The following ADGRB3 variants were observed in gnomAD, a reference collection of about 807,000 sequenced individuals.
The protein encoded by ADGRB3 is adhesion G protein-coupled receptor B3.
In ADGRB3, 37 loss-of-function variants were observed where a neutral mutation model predicts 193.4. The observed-to-expected ratio is 0.19, with a 90% CI of 0.15 to 0.25. The LOEUF (loss-of-function observed/expected upper bound fraction) is 0.25, where lower values mean the gene tolerates loss of function less well. Ranked by LOEUF, ADGRB3 falls within the 10% of genes least tolerant of loss-of-function variation. The pLI is 1.00. For missense variants in ADGRB3, 1,637 were observed against 1,852.9 expected, an observed-to-expected ratio of 0.88 and a Z score of 2.14; for synonymous variants, 690 against 644.2, an observed-to-expected ratio of 1.07 and a Z score of -1.08.
intron 3 of ADGRB3, among the ~76,000 whole-genome samples, chr6:68,902,896 T>C (rs992186374): frequency 1.7e-4 from 26 of 152,172 alleles, no homozygotes; most frequent in African/African-American, 6.0e-4. Flanking sequence ...TAATATCACG[T>C]TTTATTTCAT....
chr6:68,700,775 AAC>A (rs1765229814), intron 3 of ADGRB3, among the ~76,000 whole-genome samples: 1 of 145,040 alleles, frequency 6.9e-6, no homozygotes, highest in South Asian at 2.2e-4. Context: ...GAACAATGAG[AAC>A]ACTTGGACAC....
intron 17 of ADGRB3, among the ~76,000 whole-genome samples, chr6:69,132,053 C>T (rs1335523101): frequency 6.6e-6 from 1 of 151,988 alleles, no homozygotes; most frequent in East Asian, 1.9e-4. Flanking sequence ...TGGTTCCAAG[C>T]CTTTGCTATT....
At chr6:69,133,977 T>C (rs1333321467) in intron 17 of ADGRB3, among the ~76,000 whole-genome samples, 2 of 152,130 alleles carry the variant, frequency 1.3e-5, no homozygotes, top group Admixed American at 1.3e-4. Context: ...TAGAATTATG[T>C]TCTCCATCTC....
intron 19 of ADGRB3, among the ~76,000 whole-genome samples, chr6:69,235,790 TAA>T (rs1264716005): frequency 6.6e-6 from 1 of 152,034 alleles, no homozygotes; most frequent in Admixed American, 6.6e-5. Flanking sequence ...TAGTATTTTT[TAA>T]GACTTGTTTT....
intron 26 of ADGRB3, among the ~76,000 whole-genome samples, chr6:69,352,969 G>T (rs965139960): frequency 1.4e-4 from 22 of 152,130 alleles, no homozygotes; most frequent in Non-Finnish European, 2.8e-4. Flanking sequence ...ATAAAACAGA[G>T]TGTAATAAAC....
In ADGRB3 at chr6:68,869,784, G is replaced by A. The variant is rs545200099; in HGVS notation, c.758-60775G>A. On this transcript the variant is annotated intron_variant, in intron 3 of 31. Coordinates refer to ENST00000370598, the MANE Select transcript of ADGRB3 (RefSeq NM_001704.3). Reference sequence around the variant, plus strand: ...TATTTGCAGGGGAGGGGGGCGGGTGGCGGGGAGACAGAGTCTCACTCGCTC... The same window carrying A: ...TATTTGCAGGGGAGGGGGGCGGGTGACGGGGAGACAGAGTCTCACTCGCTC... Among the ~76,000 whole-genome samples, 3 of 150,174 alleles carry A rather than the reference G, an allele frequency of 2.0e-5. No individual in the cohort carries two copies. In the South Asian group the frequency reaches 6.4e-4, roughly 32 times the overall value.
At chr6:68,666,479 G>A (rs1276998718) in intron 3 of ADGRB3, among the ~76,000 whole-genome samples, 1 of 151,734 alleles carries the variant, frequency 6.6e-6, no homozygotes, top group Non-Finnish European at 1.5e-5. Context: ...ATGGATACCT[G>A]TAATTGTCCT....
chr6:69,018,550 C>A, intron 13 of ADGRB3, 51 bp downstream of exon 13: 2 of 1,182,198 alleles, frequency 1.7e-6, no homozygotes, highest in South Asian at 1.3e-5. Flanking sequence ...AAAAAAATTG[C>A]AAGTATCTAC....
chr6:68,791,724 C>A (rs1003398719), intron 3 of ADGRB3, among the ~76,000 whole-genome samples: 7 of 152,100 alleles, frequency 4.6e-5, no homozygotes, highest in African/African-American at 1.7e-4. Context: ...AAAATATAAT[C>A]CACAAGAGAT....
chr6:69,064,519 G>A (rs2150308617), intron 16 of ADGRB3, among the ~76,000 whole-genome samples: 1 of 152,010 alleles, frequency 6.6e-6, no homozygotes, highest in South Asian at 2.1e-4. Context: ...ACTGAGAACT[G>A]GGAGACATTT....
intron 10 of ADGRB3, among the ~76,000 whole-genome samples, chr6:68,975,794 A>C (rs761641439): frequency 1.3e-5 from 2 of 152,224 alleles, no homozygotes; most frequent in Non-Finnish European, 2.9e-5. Context: ...ACATTAAAAT[A>C]AATGACAGTG....
At chr6:68,881,167 T>A (rs930093991) in intron 3 of ADGRB3, among the ~76,000 whole-genome samples, 7 of 102,096 alleles carry the variant, frequency 6.9e-5, no homozygotes, top group African/African-American at 2.9e-4. Context: ...AAACTACCAT[T>A]CCTTATAAAG....
intron 3 of ADGRB3, among the ~76,000 whole-genome samples, chr6:68,753,074 C>T (rs1766232530): frequency 6.6e-6 from 1 of 152,120 alleles, no homozygotes; most frequent in South Asian, 2.1e-4. Flanking sequence ...ACATCATCAG[C>T]ATTTCCATCA....
chr6:69,115,801 G>T (rs920507152), intron 17 of ADGRB3, among the ~76,000 whole-genome samples: 1 of 152,076 alleles, frequency 6.6e-6, no homozygotes, highest in African/African-American at 2.4e-5. Context: ...CTCCCAAGAT[G>T]GTTCCCAGCC....
intron 3 of ADGRB3, among the ~76,000 whole-genome samples, chr6:68,874,914 T>C (rs1002275015): frequency 1.7e-4 from 26 of 152,202 alleles, no homozygotes; most frequent in African/African-American, 6.3e-4. Context: ...AGTGCTCTAG[T>C]AGTAGGGCAA....
At chr6:69,045,906 G>A (rs1375027849) in intron 13 of ADGRB3, among the ~76,000 whole-genome samples, 2 of 152,058 alleles carry the variant, frequency 1.3e-5, no homozygotes, top group Non-Finnish European at 2.9e-5. Flanking sequence ...TCTAGACTAT[G>A]TTCAAAAGTA....
chr6:69,336,986 A>G (rs1768863733), intron 24 of ADGRB3, among the ~76,000 whole-genome samples: 2 of 152,160 alleles, frequency 1.3e-5, no homozygotes. Context: ...AGCCCTGACT[A>G]AGGGAAGTAG....
Position 69,385,432 on chromosome 6 carries a change from G to A in ADGRB3, c.4380+2497G>A, listed in dbSNP as rs547392796. ...GACAGCCAGTGTGCTCTGGATCCACGAACTATGGGAAATGCTCAGGCAGCC... is the reference window on the plus strand; with the variant it reads ...GACAGCCAGTGTGCTCTGGATCCACAAACTATGGGAAATGCTCAGGCAGCC... On this transcript the variant is annotated intron_variant, in intron 31 of 31. Coordinates refer to ENST00000370598, the MANE Select transcript of ADGRB3 (RefSeq NM_001704.3). Among the ~76,000 whole-genome samples the A allele has an allele frequency of 3.9e-5, 6 of 151,972 alleles. No individual in the cohort carries two copies. The South Asian group carries it at 1.2e-3, about 31-fold the overall frequency.
At chr6:68,770,942 T>A (rs1206814918) in intron 3 of ADGRB3, among the ~76,000 whole-genome samples, 1 of 152,096 alleles carries the variant, frequency 6.6e-6, no homozygotes, top group African/African-American at 2.4e-5. Context: ...TAAAAGTTAG[T>A]ATCTCTGAGC....
Sources: gnomAD v4.1 joint callset for allele counts (sites outside exome capture counted in the v4.1 genomes callset) on GRCh38, gnomAD v4.1.1 for gene constraint, MANE v1.5 for transcripts, NCBI Gene and HGNC (gene_info 2026-07-23, HGNC 2026-07-21) for gene names.